PRDM16: variants seen among roughly 807,000 people sequenced by gnomAD.
PRDM16 encodes PR/SET domain 16.
Under a neutral mutation model 110.6 loss-of-function variants are expected in PRDM16, and 23 were observed. The ratio of observed to expected loss-of-function variants is 0.21; its 90% CI spans 0.15 to 0.29. The LOEUF (loss-of-function observed/expected upper bound fraction) is 0.29, where lower values mean the gene tolerates loss of function less well. Among genes scored for constraint, PRDM16 ranks in the 10% least tolerant of loss-of-function variants. PRDM16 has a pLI of 1.00. For missense variants in PRDM16, 1,615 were observed against 1,794.3 expected, an observed-to-expected ratio of 0.90 and a Z score of 1.81; for synonymous variants, 799 against 781.8, an observed-to-expected ratio of 1.02 and a Z score of -0.37.
chr1:3,121,490 C>T (rs1643092776), intron 1 of PRDM16, among the ~76,000 whole-genome samples: 1 of 152,272 alleles, frequency 6.6e-6, no homozygotes, highest in Non-Finnish European at 1.5e-5. Context: ...CAGAGGCCCC[C>T]AGCTGGAGCA....
chr1:3,408,470 G>C (rs1643597856), intron 8 of PRDM16, among the ~76,000 whole-genome samples: 1 of 152,244 alleles, frequency 6.6e-6, no homozygotes, highest in Non-Finnish European at 1.5e-5. Context: ...GCTTTAATAA[G>C]TATGCACGTG....
rs964679035 is a variant in PRDM16, at chr1:3,156,055, C to T, written c.38-30070C>T. On this transcript the variant is annotated intron_variant, in intron 1 of 16. Transcript: ENST00000270722. The stretch of plus-strand genomic sequence containing the variant: ...GAGAGAAAACAGCTCTGTCATAATC[C>T]AGGACCATTTGCAAATTCATCACCG... Among the ~76,000 whole-genome samples, 10 of 152,192 alleles carry T rather than the reference C, an allele frequency of 6.6e-5. 1 individual carries two copies. The highest frequency in any genetic ancestry group is 1.3e-4 in the Non-Finnish European group (9 of 68,042).
intron 2 of PRDM16, among the ~76,000 whole-genome samples, chr1:3,232,279 C>A (rs1012558629): frequency 6.6e-6 from 1 of 152,190 alleles, no homozygotes; most frequent in Non-Finnish European, 1.5e-5. Context: ...TGGAGCTGCA[C>A]GGCCTGAGTT....
intron 1 of PRDM16, among the ~76,000 whole-genome samples, chr1:3,181,272 CCTTACGCAT>C (rs1644169598): frequency 1.2e-5 from 1 of 85,190 alleles, no homozygotes; most frequent in African/African-American, 4.1e-5. Context: ...TTACACACGG[CCTTACGCAT>C]GGTCTTACAC....
intron 1 of PRDM16, among the ~76,000 whole-genome samples, chr1:3,149,166 T>C (rs1643731651): frequency 6.6e-6 from 1 of 151,950 alleles, no homozygotes; most frequent in African/African-American, 2.4e-5. Flanking sequence ...GTGGGGGGCA[T>C]GGAGCCTGGG....
chr1:3,188,538 G>A (rs1015640368), intron 2 of PRDM16, among the ~76,000 whole-genome samples: 14 of 152,328 alleles, frequency 9.2e-5, no homozygotes, highest in African/African-American at 2.2e-4. Context: ...CCGTTTCTGC[G>A]GAGGGCTTTG....
intron 2 of PRDM16, among the ~76,000 whole-genome samples, chr1:3,189,347 CA>C (rs2100804216): frequency 6.6e-6 from 1 of 151,652 alleles, no homozygotes; most frequent in South Asian, 2.1e-4. Context: ...AGCATCACAC[CA>C]GGGGGATCCC....
chr1:3,431,860 T>TG (rs1638778072), intron 15 of PRDM16, 106 bp from the exon 16 acceptor site: 2 of 1,110,414 alleles, frequency 1.8e-6, no homozygotes, highest in Non-Finnish European at 2.6e-6. Context: ...CTGGCAGAGA[T>TG]GCAGCGGCGT....
At chr1:3,396,923 AT>A (rs1439450619) in intron 5 of PRDM16, among the ~76,000 whole-genome samples, 2 of 152,152 alleles carry the variant, frequency 1.3e-5, no homozygotes, top group African/African-American at 2.4e-5. Context: ...GTCCCAGGTG[AT>A]TTTTTTAAGC....
At chr1:3,431,258 A>G in intron 15 of PRDM16, 150 bp downstream of exon 15, 1 of 1,339,382 alleles carries the variant, frequency 7.5e-7, no homozygotes, top group Non-Finnish European at 9.9e-7. Flanking sequence ...CACACAGGCC[A>G]GGGCAAGGCT....
intron 1 of PRDM16, among the ~76,000 whole-genome samples, chr1:3,106,942 C>T (rs541671271): frequency 1.5e-4 from 23 of 152,320 alleles, no homozygotes; most frequent in Middle Eastern, 3.4e-3. Context: ...GCCACCCAGA[C>T]GACCAGAAGG....
Position 3,091,362 on chromosome 1 carries a change from C to T in PRDM16, c.37+22066C>T, listed in dbSNP as rs531953211. 1.1e-4 allele frequency among the ~76,000 whole-genome samples: 16 copies of T among 152,206 alleles called. No homozygotes were observed. In the East Asian group the frequency reaches 2.1e-3, roughly 20 times the overall value. ...TGACTTAAGCGGGTGCAGCCAGGCC[C>T]GCACCGAGACGACAGCATCTCTTTC... is the stretch of plus-strand genomic sequence containing the variant. On this transcript the variant is annotated intron_variant, in intron 1 of 16. Coordinates refer to ENST00000270722, the MANE Select transcript of PRDM16 (RefSeq NM_022114.4).
intron 3 of PRDM16, among the ~76,000 whole-genome samples, chr1:3,311,031 T>C (rs1328120395): frequency 6.6e-6 from 1 of 152,122 alleles, no homozygotes; most frequent in East Asian, 1.9e-4. Context: ...GCATGGTTGG[T>C]GGTGGTGGCA....
Position 3,209,598 on chromosome 1 carries a change from T to G in PRDM16, c.387+23124T>G, listed in dbSNP as rs1392971523. On this transcript the variant is annotated intron_variant, in intron 2 of 16. Coordinates refer to ENST00000270722, the MANE Select transcript of PRDM16 (RefSeq NM_022114.4). The surrounding 1 kb of genome is among the most constrained non-coding windows in gnomAD (Gnocchi z 4.6). ...TGCGCGTGGAAGCTGAGCGCCTCAGTGGAATGTCCTGGAACCTCACTTCGG... is the reference window on the plus strand; with the variant it reads ...TGCGCGTGGAAGCTGAGCGCCTCAGGGGAATGTCCTGGAACCTCACTTCGG... Among the ~76,000 whole-genome samples, 2 of 152,200 alleles carry G rather than the reference T, an allele frequency of 1.3e-5. No homozygotes were observed. Among genetic ancestry groups the G allele is most frequent in the Non-Finnish European group, 1.5e-5 (1 of 68,032 alleles).
At chr1:3,340,450 C>T (rs1411029196) in intron 3 of PRDM16, among the ~76,000 whole-genome samples, 1 of 152,194 alleles carries the variant, frequency 6.6e-6, no homozygotes, top group South Asian at 2.1e-4. Context: ...CCCGGAGAGC[C>T]AGCGCCATGG....
intron 1 of PRDM16, among the ~76,000 whole-genome samples, chr1:3,105,074 C>G (rs1231609561): frequency 6.6e-6 from 1 of 152,024 alleles, no homozygotes; most frequent in Non-Finnish European, 1.5e-5. Flanking sequence ...GTGGAAGGTG[C>G]TGGAAGAAGC....
intron 3 of PRDM16, among the ~76,000 whole-genome samples, chr1:3,325,353 A>G (rs375834062): frequency 9.2e-5 from 14 of 152,284 alleles, no homozygotes; most frequent in African/African-American, 3.4e-4. Flanking sequence ...CCTGAGCATC[A>G]GCTCTCTCTG....
rs1643692569 is a variant in PRDM16 at position 3,411,836 on chromosome 1, C to T, written c.1639C>T (p.Leu547Phe). The change falls in exon 9 of 17, where the codon CTC becomes TTC. Residue 547 changes from leucine to phenylalanine, a missense_variant. By Grantham distance (22) the Leu-to-Phe change is conservative. Around this residue, in one of 5 missense-constraint regions of PRDM16, gnomAD observed 772 missense variants for 748.3 expected, o/e 1.03. Coordinates refer to ENST00000270722, the MANE Select transcript of PRDM16 (RefSeq NM_022114.4). Reference protein sequence around the residue: ...SPLNHTQDAKLPSPLGNPALP... With the variant: ...SPLNHTQDAKFPSPLGNPALP... ...CCTGAACCACACCCAGGACGCCAAG[C>T]TCCCCAGTCCCCTGGGGAACCCAGC... 2 of 1,610,662 alleles carry T rather than the reference C, an allele frequency of 1.2e-6. No individual in the cohort carries two copies. The highest frequency in any genetic ancestry group is 1.3e-5 in the African/African-American group (1 of 74,962).
intron 1 of PRDM16, 93 bp from the exon 2 acceptor site, chr1:3,186,032 G>A: frequency 1.8e-6 from 2 of 1,081,176 alleles, no homozygotes; most frequent in African/African-American, 1.5e-5. Flanking sequence ...CACCCTCGGT[G>A]CCCATTGATG....
Sources: gnomAD v4.1 joint callset for allele counts (sites outside exome capture counted in the v4.1 genomes callset) on GRCh38, gnomAD v4.1.1 for gene constraint, gnomAD v4.1.1 regional missense constraint, Gnocchi (gnomAD v3.1) non-coding constraint, MANE v1.5 for transcripts, NCBI Gene and HGNC (gene_info 2026-07-23, HGNC 2026-07-21) for gene names.